The following GPC5 variants were observed in gnomAD, a reference collection of about 807,000 sequenced individuals.
GPC5 encodes glypican-5.
Under a neutral mutation model 53.9 loss-of-function variants are expected in GPC5, and 47 were observed. The ratio of observed to expected loss-of-function variants is 0.87; its 90% CI spans 0.69 to 1.11. The LOEUF is 1.11. GPC5 is among the 50% of genes most tolerant of loss of function. GPC5 has a pLI of 0.00. For synonymous variants in GPC5, 286 were observed against 263.3 expected, an observed-to-expected ratio of 1.09 and a Z score of -0.84; for missense variants, 748 against 713.1, an observed-to-expected ratio of 1.05 and a Z score of -0.56.
intron 7 of GPC5, among the ~76,000 whole-genome samples, chr13:92,435,472 T>C (rs779444889): frequency 3.3e-5 from 5 of 152,114 alleles, no homozygotes; most frequent in Non-Finnish European, 7.4e-5. Context: ...TTGTTAGAGA[T>C]AAAAGATCAT....
chr13:91,824,618 A>C (rs1198633699), intron 5 of GPC5, among the ~76,000 whole-genome samples: 1 of 152,080 alleles, frequency 6.6e-6, no homozygotes, highest in Admixed American at 6.6e-5. Context: ...AATGTGTGAA[A>C]GTAAAATAGA....
chr13:91,644,514 G>A (rs1279456258), intron 2 of GPC5, among the ~76,000 whole-genome samples: 1 of 152,090 alleles, frequency 6.6e-6, no homozygotes, highest in African/African-American at 2.4e-5. Context: ...TTCATTTTCA[G>A]TTTTCTGTGA....
intron 7 of GPC5, among the ~76,000 whole-genome samples, chr13:92,488,433 A>C (rs1425114674): frequency 6.6e-6 from 1 of 152,234 alleles, no homozygotes; most frequent in Non-Finnish European, 1.5e-5. Context: ...GATTCTAGGC[A>C]GTGATGGGAA....
intron 2 of GPC5, among the ~76,000 whole-genome samples, chr13:91,550,891 T>C (rs1449151407): frequency 6.6e-6 from 1 of 152,136 alleles, no homozygotes; most frequent in East Asian, 1.9e-4. Flanking sequence ...CCTTCCACCA[T>C]GTAAGACGTG....
chr13:91,896,388 G>A (rs1226115637), intron 5 of GPC5, among the ~76,000 whole-genome samples: 1 of 151,990 alleles, frequency 6.6e-6, no homozygotes, highest in Non-Finnish European at 1.5e-5. Flanking sequence ...CAAAGTGTTG[G>A]GATTACAGGC....
intron 7 of GPC5, among the ~76,000 whole-genome samples, chr13:92,844,313 C>A (rs549044543): frequency 3.3e-5 from 5 of 151,942 alleles, no homozygotes; most frequent in South Asian, 4.2e-4. Flanking sequence ...GAATGCTGAC[C>A]CTCATCTACA....
chr13:91,753,195 G>C lies in GPC5; in HGVS notation c.1155-3100G>C, dbSNP rs142090369. On this transcript the variant is annotated intron_variant, in intron 4 of 7. Coordinates refer to ENST00000377067, the MANE Select transcript of GPC5 (RefSeq NM_004466.6). The stretch of plus-strand genomic sequence containing the variant: ...GTAGAGACAGTTAAGAAACAATAAG[G>C]CCTGATTAATCCGTATATTACATAA... 4.5e-3 allele frequency among the ~76,000 whole-genome samples: 686 copies of C among 152,244 alleles called. 8 individuals carry two copies. Among genetic ancestry groups the C allele is most frequent in the African/African-American group, 0.016 (664 of 41,544 alleles).
intron 5 of GPC5, among the ~76,000 whole-genome samples, chr13:91,846,099 G>T (rs2038845827): frequency 6.6e-6 from 1 of 152,108 alleles, no homozygotes; most frequent in Admixed American, 6.5e-5. Context: ...TTTCTTTGCA[G>T]AAAGAGTTGT....
At chr13:92,578,282 CT>C (rs1317422344) in intron 7 of GPC5, among the ~76,000 whole-genome samples, 1 of 152,154 alleles carries the variant, frequency 6.6e-6, no homozygotes, top group Non-Finnish European at 1.5e-5. Context: ...TCCATAACTC[CT>C]GGGGTAATTC....
At chr13:92,675,550 A>G (rs1284275935) in intron 7 of GPC5, among the ~76,000 whole-genome samples, 3 of 151,754 alleles carry the variant, frequency 2.0e-5, no homozygotes, top group African/African-American at 7.2e-5. Flanking sequence ...TGATGCTTGG[A>G]AAGTGTGATT....
chr13:92,797,868 G>C (rs1876751269), intron 7 of GPC5, among the ~76,000 whole-genome samples: 1 of 137,410 alleles, frequency 7.3e-6, no homozygotes, highest in African/African-American at 2.7e-5. Context: ...TAGATAGATA[G>C]ATGATAGATG....
At chr13:92,627,176 T>C (rs1885072601) in intron 7 of GPC5, among the ~76,000 whole-genome samples, 2 of 152,250 alleles carry the variant, frequency 1.3e-5, no homozygotes, top group Admixed American at 1.3e-4. Context: ...GTAGTCCTTT[T>C]AGAAGAATTA....
chr13:92,147,099 A>C (rs992860938), intron 7 of GPC5, among the ~76,000 whole-genome samples: 4 of 152,076 alleles, frequency 2.6e-5, no homozygotes. Flanking sequence ...ATTATATAAG[A>C]AAGTTTTTAC....
At chr13:92,839,157 T>G (rs1284526573) in intron 7 of GPC5, among the ~76,000 whole-genome samples, 1 of 152,218 alleles carries the variant, frequency 6.6e-6, no homozygotes, top group Non-Finnish European at 1.5e-5. Context: ...ACTGACCAAT[T>G]GTAAGAGAAA....
chr13:92,637,149 A>C (rs1885434327), intron 7 of GPC5, among the ~76,000 whole-genome samples: 1 of 152,166 alleles, frequency 6.6e-6, no homozygotes, highest in Admixed American at 6.5e-5. Flanking sequence ...ATCCATTCCA[A>C]TTCACTTTCC....
At chr13:91,450,314 C>T (rs1014280025) in intron 2 of GPC5, among the ~76,000 whole-genome samples, 3 of 152,052 alleles carry the variant, frequency 2.0e-5, no homozygotes, top group Non-Finnish European at 4.4e-5. Context: ...AGCCGTTAAC[C>T]ATCTACAGAA....
At chr13:92,678,177 A>G (rs1887008322) in intron 7 of GPC5, among the ~76,000 whole-genome samples, 1 of 152,214 alleles carries the variant, frequency 6.6e-6, no homozygotes. Flanking sequence ...GGAATTAGGA[A>G]TACCATGGTG....
chr13:91,616,592 T>C (rs725040), intron 2 of GPC5, among the ~76,000 whole-genome samples: 75,621 of 151,946 alleles, frequency 0.5, 21,345 homozygotes, highest in Non-Finnish European at 0.62. Context: ...AATTTAATTG[T>C]TTATCTCTGC....
At chr13:91,542,850 ATTTTTTTTTTT>A in intron 2 of GPC5, among the ~76,000 whole-genome samples, 1 of 68,228 alleles carries the variant, frequency 1.5e-5, no homozygotes, top group Middle Eastern at 0.012. Context: ...TGCCCAGCCA[ATTTTTTTTTTT>A]TTTTTTTTTT....
Sources: gnomAD v4.1 joint callset for allele counts (sites outside exome capture counted in the v4.1 genomes callset) on GRCh38, gnomAD v4.1.1 for gene constraint, MANE v1.5 for transcripts, NCBI Gene and HGNC (gene_info 2026-07-23, HGNC 2026-07-21) for gene names.